The following KCNU1 variants were observed in gnomAD, a reference collection of about 807,000 sequenced individuals.
KCNU1 encodes potassium calcium-activated channel subfamily U member 1.
KCNU1 carries 93 observed loss-of-function variants against 126.8 expected under a neutral mutation model. The observed-to-expected ratio is 0.73, with a 90% CI of 0.62 to 0.87. The LOEUF (loss-of-function observed/expected upper bound fraction) is 0.87, where lower values mean the gene tolerates loss of function less well. Ranked by LOEUF, KCNU1 falls within the 40% of genes least tolerant of loss-of-function variation. The probability of loss-of-function intolerance (pLI) is 0.00; values close to 1 mark genes in which losing one functional copy is unlikely to be tolerated. For synonymous variants in KCNU1, 523 were observed against 494.2 expected (o/e 1.06, Z -0.77); for missense variants, 1,330 against 1,367.1 (o/e 0.97, Z 0.43).
rs949094809 is a variant in KCNU1, at chr8:36,829,879, A to G, written c.1107-3675A>G. ...GTATTTTCTGATATTAGTAAAAGTA[A>G]TATCTTCCAGTAGGGTTTACTAGTT... is the stretch of plus-strand genomic sequence containing the variant. On this transcript the variant is annotated intron_variant, in intron 10 of 26. Coordinates refer to ENST00000399881, the MANE Select transcript of KCNU1 (RefSeq NM_001031836.3). Among the ~76,000 whole-genome samples the G allele has an allele frequency of 5.8e-4, 88 of 151,288 alleles. 1 individual carries two copies. The highest frequency in any genetic ancestry group is 2.2e-3 in the Admixed American group (34 of 15,180).
chr8:36,862,528 C>T (rs1423562351), intron 18 of KCNU1, among the ~76,000 whole-genome samples: 1 of 152,176 alleles, frequency 6.6e-6, no homozygotes, highest in Non-Finnish European at 1.5e-5. Flanking sequence ...CAATCAGAAA[C>T]ATCAGCAATC....
intron 19 of KCNU1, among the ~76,000 whole-genome samples, chr8:36,893,879 T>A (rs1303885230): frequency 6.6e-6 from 1 of 152,126 alleles, no homozygotes; most frequent in Non-Finnish European, 1.5e-5. Context: ...TTGTAGTTAC[T>A]TTTTATAGTT....
At chr8:36,833,474 C>A in intron 10 of KCNU1, 80 bp from the exon 11 acceptor site, 1 of 779,330 alleles carries the variant, frequency 1.3e-6, no homozygotes, top group African/African-American at 1.7e-5. Flanking sequence ...ACTAAATGCA[C>A]CAAATTAGTT....
chr8:36,915,042 C>G (rs1277449198), intron 22 of KCNU1, among the ~76,000 whole-genome samples: 1 of 152,116 alleles, frequency 6.6e-6, no homozygotes, highest in Non-Finnish European at 1.5e-5. Context: ...GTCCTTCAGC[C>G]GGCATCAGAA....
At chr8:36,915,372 A>G (rs970481250) in intron 22 of KCNU1, among the ~76,000 whole-genome samples, 5 of 152,178 alleles carry the variant, frequency 3.3e-5, no homozygotes, top group Non-Finnish European at 7.3e-5. Context: ...AAGCCTTGTG[A>G]TCTTGGGCAT....
intron 5 of KCNU1, among the ~76,000 whole-genome samples, chr8:36,807,055 GTGAGGCATGCTTCTACATGCTTGATA>G (rs1445737062): frequency 2.0e-5 from 3 of 152,128 alleles, no homozygotes; most frequent in Non-Finnish European, 4.4e-5. Context: ...CCCATAATAT[GTGAGGCATGCTTCTACATGCTTGATA>G]TGGATGCTAC....
chr8:36,821,226 C>T (rs186967057), intron 10 of KCNU1, among the ~76,000 whole-genome samples: 58 of 152,290 alleles, frequency 3.8e-4, no homozygotes, highest in Admixed American at 5.9e-4. Context: ...AAAAGAATTA[C>T]GGACAGTAGA....
chr8:36,840,571 G>T lies in KCNU1; in HGVS notation c.1627G>T (p.Ala543Ser). 1.3e-6 allele frequency: 2 copies of T among 1,585,886 alleles called. No homozygotes were observed. Among genetic ancestry groups the T allele is most frequent in the Non-Finnish European group, 1.7e-6 (2 of 1,155,040 alleles). ...TGCTGGAATGAGCTTTCCTGAAGTT[G>T]CCCGGTAAGTGAAGTGAAATACTTC... ...DFAGMSFPEV[A>S]RLCFLKMHLL... Residue 543 changes from alanine to serine, a missense_variant, in exon 15 of 27, where the codon GCC becomes TCC. Physicochemically the swap from Ala to Ser is moderately conservative, Grantham distance 99. This residue lies in a region of KCNU1 where 1,054 missense variants were observed against 1,053.9 expected (regional missense o/e 1.00). Coordinates refer to ENST00000399881, the MANE Select transcript of KCNU1 (RefSeq NM_001031836.3).
chr8:36,836,916 A>C lies in KCNU1; in HGVS notation c.1489A>C (p.Thr497Pro). ...CLVPGLCTFL[T>P]SLFVEQNKKV... ...GGTGCCAGGCTTGTGTACCTTCCTAACATCTCTATTTGTGGAGCAAAACAA... is the reference window on the plus strand; with the variant it reads ...GGTGCCAGGCTTGTGTACCTTCCTACCATCTCTATTTGTGGAGCAAAACAA... The change falls in exon 14 of 27, where the codon ACA becomes CCA. Residue 497 changes from threonine (T) to proline (P), a missense_variant. By Grantham distance (38) the Thr-to-Pro change is conservative. Transcript: ENST00000399881. 1 of 1,613,804 alleles carries C rather than the reference A, an allele frequency of 6.2e-7. No individual in the cohort carries two copies. Among genetic ancestry groups the C allele is most frequent in the Non-Finnish European group, 8.5e-7 (1 of 1,179,796 alleles).
At chr8:36,903,665 A>G (rs2117499332) in intron 19 of KCNU1, among the ~76,000 whole-genome samples, 1 of 152,274 alleles carries the variant, frequency 6.6e-6, no homozygotes, top group African/African-American at 2.4e-5. Flanking sequence ...AATCTTTCAC[A>G]GGCCAAAGTG....
chr8:36,836,038 T>C (rs988731340), intron 12 of KCNU1, among the ~76,000 whole-genome samples: 4 of 152,192 alleles, frequency 2.6e-5, no homozygotes, highest in African/African-American at 7.2e-5. Flanking sequence ...TCCTCAAGAA[T>C]TGGTCTCAGA....
At chr8:36,931,915 T>G (rs1808714354) in intron 25 of KCNU1, among the ~76,000 whole-genome samples, 1 of 152,004 alleles carries the variant, frequency 6.6e-6, no homozygotes, top group Non-Finnish European at 1.5e-5. Context: ...GGAATCAGAG[T>G]AGGGTCTAGC....
At chr8:36,847,537 C>A (rs757383199) in intron 18 of KCNU1, among the ~76,000 whole-genome samples, 1 of 152,148 alleles carries the variant, frequency 6.6e-6, no homozygotes, top group South Asian at 2.1e-4. Flanking sequence ...AACCACAAGT[C>A]GAGTCTCTAC....
chr8:36,817,641 G>A lies in KCNU1; in HGVS notation c.996-9G>A. 1 of 1,535,282 alleles carries A rather than the reference G, an allele frequency of 6.5e-7. No individual in the cohort carries two copies. The highest frequency in any genetic ancestry group is 9.0e-7 in the Non-Finnish European group (1 of 1,109,652). ...CGGATGATCCACCTCACCTGTTTTT[G>A]CTGCCTAGGTTTATTGTGGTCTGTG... On this transcript the variant is annotated splice_polypyrimidine_tract_variant and intron_variant, in intron 9 of 26. Coordinates refer to ENST00000399881, the MANE Select transcript of KCNU1 (RefSeq NM_001031836.3).
chr8:36,814,877 C>T (rs1180503817), intron 8 of KCNU1, among the ~76,000 whole-genome samples: 1 of 152,122 alleles, frequency 6.6e-6, no homozygotes, highest in African/African-American at 2.4e-5. Context: ...CCTTAAAAAC[C>T]ACAACAGAGT....
chr8:36,863,015 G>C (rs1438988692), intron 18 of KCNU1, among the ~76,000 whole-genome samples: 1 of 152,132 alleles, frequency 6.6e-6, no homozygotes, highest in Non-Finnish European at 1.5e-5. Context: ...GTCAAGTGAA[G>C]GCTTCTGAGG....
chr8:36,917,427 G>A (rs984669009), intron 22 of KCNU1, among the ~76,000 whole-genome samples: 25 of 150,540 alleles, frequency 1.7e-4, no homozygotes, highest in Admixed American at 5.3e-4. Context: ...GCGGCTCACC[G>A]TAAGCTCTGA....
At chr8:36,787,531 G>T in intron 2 of KCNU1, 106 bp downstream of exon 2, 2 of 1,130,542 alleles carry the variant, frequency 1.8e-6, no homozygotes, top group Non-Finnish European at 2.4e-6. Flanking sequence ...ACGTTCCTTT[G>T]GTCGTCTTAT....
chr8:36,791,437 T>C (rs961552794), intron 2 of KCNU1, among the ~76,000 whole-genome samples: 3 of 152,182 alleles, frequency 2.0e-5, no homozygotes, highest in Non-Finnish European at 4.4e-5. Context: ...CTACTGTATG[T>C]TCACATTCTG....
Sources: allele counts gnomAD v4.1 joint callset (sites outside exome capture counted in the v4.1 genomes callset), GRCh38; gene constraint gnomAD v4.1.1; regional missense constraint gnomAD v4.1.1; transcripts MANE v1.5; gene names NCBI Gene and HGNC (gene_info 2026-07-23, HGNC 2026-07-21).